The following BBS7 variants were observed in gnomAD, a reference collection of about 807,000 sequenced individuals.
BBS7 encodes the protein Bardet-Biedl syndrome 7.
Under a neutral mutation model 90.3 loss-of-function variants are expected in BBS7, and 50 were observed. The observed-to-expected ratio is 0.55, with a 90% confidence interval of 0.44 to 0.70. The LOEUF is 0.70. Among genes scored for constraint, BBS7 ranks in the 30% least tolerant of loss-of-function variants. The pLI is 0.00. For missense variants in BBS7, 729 were observed against 838.9 expected (o/e 0.87, Z 1.62); for synonymous variants, 235 against 287.4 (o/e 0.82, Z 1.85).
intron 12 of BBS7, 85 bp from the exon 13 acceptor site, chr4:121,839,781 A>G: frequency 4.1e-6 from 5 of 1,228,678 alleles, no homozygotes; most frequent in Non-Finnish European, 5.9e-6. Flanking sequence ...AATGGTTACC[A>G]TTTGCTTAAG....
chr4:121,825,956 A>C lies in BBS7; in HGVS notation c.2052T>G (p.Phe684Leu). The C allele has an allele frequency of 6.2e-7, 1 of 1,607,864 alleles. No individual in the cohort carries two copies. Among genetic ancestry groups the C allele is most frequent in the African/African-American group, 1.3e-5 (1 of 74,896 alleles). ...CTTTAGTTTTTACATTGGTGCCTTT[A>C]AACTTAAATTTATCTATGAAAAGAT... ...ITDLFIDKFK[F>L]KGTNVKTKVP... Residue 684 changes from phenylalanine to leucine, a missense_variant, in exon 19 of 19, where the codon TTT becomes TTG. Phe to Leu is a conservative substitution (Grantham distance 22). Coordinates refer to ENST00000264499, the MANE Select transcript of BBS7 (RefSeq NM_176824.3).
At chr4:121,863,606 A>G (rs943433596) in intron 2 of BBS7, among the ~76,000 whole-genome samples, 1 of 152,160 alleles carries the variant, frequency 6.6e-6, no homozygotes, top group Non-Finnish European at 1.5e-5. Flanking sequence ...GTATACTGCC[A>G]GACAACAGTT....
Position 121,861,601 on chromosome 4 carries a change from T to C in BBS7, c.244A>G (p.Ile82Val). Residue 82 changes from isoleucine to valine, a missense_variant, in exon 4 of 19, where the codon ATT becomes GTT. Ile to Val is a conservative substitution (Grantham distance 29). Coordinates refer to ENST00000264499, the MANE Select transcript of BBS7 (RefSeq NM_176824.3). Reference protein sequence around the residue: ...GGVINTPQEKIFIAAASEIRG... With the variant: ...GGVINTPQEKVFIAAASEIRG... ...ATCTCAGATGCTGCAGCAATAAAAA[T>C]TTTCTCCTGAGGTGTGTTGATAACC... 1 of 1,613,860 alleles carries C rather than the reference T, an allele frequency of 6.2e-7. No individual in the cohort carries two copies. Among genetic ancestry groups the C allele is most frequent in the Non-Finnish European group, 8.5e-7 (1 of 1,179,842 alleles).
At chr4:121,846,431 G>T (rs370391090) in intron 10 of BBS7, among the ~76,000 whole-genome samples, 1 of 152,148 alleles carries the variant, frequency 6.6e-6, no homozygotes, top group Non-Finnish European at 1.5e-5. Flanking sequence ...ATTCATCAAA[G>T]AAATATTTAC....
At chr4:121,831,191 A>G (rs1725161695) in intron 15 of BBS7, among the ~76,000 whole-genome samples, 1 of 152,214 alleles carries the variant, frequency 6.6e-6, no homozygotes, top group South Asian at 2.1e-4. Context: ...GCAACAAAGC[A>G]AGACTCTGTC....
At position 121,828,181 on chromosome 4, in the gene BBS7, T is replaced by C. The variant is rs757308523; in HGVS notation, c.1979A>G (p.Tyr660Cys). 10 of 1,613,934 alleles carry C rather than the reference T, an allele frequency of 6.2e-6. No homozygotes were observed. The South Asian group carries it at 1.1e-4, about 18-fold the overall frequency. The change falls in exon 18 of 19, where the codon TAC becomes TGC. Residue 660 changes from tyrosine (Y) to cysteine (C), a missense_variant. Tyr to Cys is a radical substitution (Grantham distance 194). Coordinates refer to ENST00000264499, the MANE Select transcript of BBS7 (RefSeq NM_176824.3). ...LEEADHLQEEYKKQPAHLERL... is the reference protein window; with the variant it reads ...LEEADHLQEECKKQPAHLERL... ...TTCAAGATGTGCAGGTTGCTTTTTG[T>C]ATTCTTCCTGTAGGTGATCTGCCTC...
At chr4:121,828,117 G>A in intron 18 of BBS7, 29 bp downstream of exon 18, 1 of 1,611,340 alleles carries the variant, frequency 6.2e-7, no homozygotes, top group Non-Finnish European at 8.5e-7. Flanking sequence ...AAAGAAATAT[G>A]GCAAGGTATT....
At chr4:121,866,381 C>T (rs1295802499) in intron 2 of BBS7, among the ~76,000 whole-genome samples, 1 of 151,708 alleles carries the variant, frequency 6.6e-6, no homozygotes, top group African/African-American at 2.4e-5. Context: ...TGGAGTCTTC[C>T]TCTCCTGAGT....
intron 6 of BBS7, 127 bp downstream of exon 6, chr4:121,855,362 G>A (rs540091272): frequency 4.1e-5 from 36 of 879,350 alleles, no homozygotes; most frequent in South Asian, 4.0e-4. Context: ...AACTCGTGCT[G>A]TTAGTTACTG....
At chr4:121,862,180 T>A (rs1727018297) in intron 3 of BBS7, among the ~76,000 whole-genome samples, 1 of 152,188 alleles carries the variant, frequency 6.6e-6, no homozygotes, top group African/African-American at 2.4e-5. Context: ...TTCTTTACAA[T>A]TTTTATAAAT....
At chr4:121,832,488 A>G (rs1462024489) in intron 15 of BBS7, among the ~76,000 whole-genome samples, 1 of 152,246 alleles carries the variant, frequency 6.6e-6, no homozygotes, top group Admixed American at 6.5e-5. Flanking sequence ...GCCATTTCAC[A>G]TTCAGAGACA....
chr4:121,862,107 T>C (rs1411300936), intron 3 of BBS7, among the ~76,000 whole-genome samples: 1 of 152,212 alleles, frequency 6.6e-6, no homozygotes, highest in African/African-American at 2.4e-5. Flanking sequence ...GCAAATTCTT[T>C]AATGAGGTCC....
chr4:121,853,532 C>T (rs1437825639), intron 7 of BBS7, among the ~76,000 whole-genome samples: 1 of 151,722 alleles, frequency 6.6e-6, no homozygotes, highest in Non-Finnish European at 1.5e-5. Flanking sequence ...TTTCTCACCA[C>T]CCCTCATATC....
At chr4:121,830,764 A>G (rs758146472) in intron 15 of BBS7, among the ~76,000 whole-genome samples, 5 of 152,182 alleles carry the variant, frequency 3.3e-5, no homozygotes, top group Non-Finnish European at 7.3e-5. Context: ...CTCCATACAC[A>G]TATATTTTAT....
chr4:121,831,999 A>C (rs1368566247), intron 15 of BBS7, among the ~76,000 whole-genome samples: 1 of 122,830 alleles, frequency 8.1e-6, no homozygotes, highest in Non-Finnish European at 1.6e-5. Flanking sequence ...CACAAAGCAA[A>C]AAAAACAAAA....
chr4:121,838,102 TAA>T (rs35773052), intron 13 of BBS7, among the ~76,000 whole-genome samples: 6 of 144,842 alleles, frequency 4.1e-5, no homozygotes, highest in Non-Finnish European at 3.0e-5. Flanking sequence ...AGACTCCATC[TAA>T]AAAAAAAAAA....
chr4:121,828,535 T>G (rs780980216), intron 16 of BBS7, 30 bp from the exon 17 acceptor site: 1 of 1,572,564 alleles, frequency 6.4e-7, no homozygotes, highest in South Asian at 1.1e-5. Context: ...TGCAGTTAGA[T>G]AAATCACTTT....
chr4:121,850,251 A>AC (rs1392607433), intron 8 of BBS7, among the ~76,000 whole-genome samples: 1 of 151,674 alleles, frequency 6.6e-6, no homozygotes, highest in African/African-American at 2.4e-5. Flanking sequence ...TGCAGCCTGG[A>AC]CCTCACAGGT....
chr4:121,870,227 C>G, intron 1 of BBS7, 51 bp downstream of exon 1: 3 of 1,611,256 alleles, frequency 1.9e-6, no homozygotes, highest in Non-Finnish European at 2.5e-6. Context: ...GGAATCCTCT[C>G]CGGGTGCTGG....
Sources: gnomAD v4.1 joint callset for allele counts (sites outside exome capture counted in the v4.1 genomes callset) on GRCh38, gnomAD v4.1.1 for gene constraint, MANE v1.5 for transcripts, NCBI Gene and HGNC (gene_info 2026-07-23, HGNC 2026-07-21) for gene names.